DIP2C: variants seen among roughly 807,000 people sequenced by gnomAD.
The protein encoded by DIP2C is DIP2 acetate--CoA ligase C (putative).
DIP2C carries 33 observed loss-of-function variants against 192.4 expected under a neutral mutation model. The ratio of observed to expected loss-of-function variants is 0.17; its 90% CI spans 0.13 to 0.23. The LOEUF (loss-of-function observed/expected upper bound fraction) is 0.23. Ranked by LOEUF, DIP2C falls within the 10% of genes least tolerant of loss-of-function variation. The pLI is 1.00. For missense variants in DIP2C, 1,537 were observed against 2,110.1 expected, an observed-to-expected ratio of 0.73 and a Z score of 5.32; for synonymous variants, 979 against 864.1, an observed-to-expected ratio of 1.13 and a Z score of -2.33.
chr10:296,495 C>A (rs1955760282), intron 32 of DIP2C, among the ~76,000 whole-genome samples: 1 of 152,118 alleles, frequency 6.6e-6, no homozygotes, highest in South Asian at 2.1e-4. Flanking sequence ...CCTCAAGGAT[C>A]TAGAACTAGA....
At chr10:442,812 C>G (rs1033176571) in intron 3 of DIP2C, among the ~76,000 whole-genome samples, 9 of 152,218 alleles carry the variant, frequency 5.9e-5, no homozygotes, top group African/African-American at 2.2e-4. Context: ...AGTTCACATT[C>G]AAATGGTGTC....
chr10:626,945 C>T (rs1300348885), intron 1 of DIP2C, among the ~76,000 whole-genome samples: 1 of 152,264 alleles, frequency 6.6e-6, no homozygotes, highest in African/African-American at 2.4e-5. Context: ...CACCAGCTAC[C>T]ACGCTCCTAG....
At chr10:615,106 G>A (rs765976818) in intron 1 of DIP2C, among the ~76,000 whole-genome samples, 8 of 152,300 alleles carry the variant, frequency 5.3e-5, no homozygotes, top group Middle Eastern at 3.4e-3. Flanking sequence ...GAGAATTAAG[G>A]AAGCAATTCC....
At chr10:620,419 C>G (rs1445187159) in intron 1 of DIP2C, among the ~76,000 whole-genome samples, 1 of 152,136 alleles carries the variant, frequency 6.6e-6, no homozygotes, top group Non-Finnish European at 1.5e-5. Flanking sequence ...AAACGGCACA[C>G]GGAGAGGGGC....
At chr10:285,814 C>CAA (rs1292882652) in intron 34 of DIP2C, among the ~76,000 whole-genome samples, 1 of 152,226 alleles carries the variant, frequency 6.6e-6, no homozygotes, top group Non-Finnish European at 1.5e-5. Flanking sequence ...GCAAAGGTGT[C>CAA]AAGTTCCACT....
At chr10:619,501 A>C (rs566507892) in intron 1 of DIP2C, among the ~76,000 whole-genome samples, 75 of 141,424 alleles carry the variant, frequency 5.3e-4, no homozygotes, top group African/African-American at 2.0e-3. Flanking sequence ...TATCGGGAGC[A>C]CAGGCTTTAT....
intron 1 of DIP2C, among the ~76,000 whole-genome samples, chr10:508,484 T>C (rs1361613128): frequency 2.0e-5 from 3 of 152,210 alleles, no homozygotes; most frequent in Non-Finnish European, 4.4e-5. Context: ...CGGCCCAGCA[T>C]ACTGCCTTGA....
intron 19 of DIP2C, among the ~76,000 whole-genome samples, chr10:365,622 C>A (rs904058367): frequency 3.9e-5 from 6 of 152,216 alleles, no homozygotes; most frequent in African/African-American, 1.4e-4. Context: ...TGTTGTGCTA[C>A]TTCTAAGGCC....
intron 19 of DIP2C, chr10:364,973 G>A (rs754187011): frequency 1.9e-6 from 1 of 533,728 alleles, no homozygotes; most frequent in South Asian, 1.5e-5. Flanking sequence ...TAGTTTTAAA[G>A]TAATCTCTCT....
intron 1 of DIP2C, among the ~76,000 whole-genome samples, chr10:489,424 G>C (rs1032766318): frequency 1.3e-5 from 2 of 152,264 alleles, no homozygotes; most frequent in Non-Finnish European, 2.9e-5. Context: ...CAGATGGCAG[G>C]TGGTGGGAGG....
chr10:284,305 G>A (rs1238698213), intron 34 of DIP2C, among the ~76,000 whole-genome samples: 1 of 152,154 alleles, frequency 6.6e-6, no homozygotes, highest in Non-Finnish European at 1.5e-5. Flanking sequence ...CACAACAAAT[G>A]AAAAAGTGAA....
chr10:558,688 GAC>G (rs1849037671), intron 1 of DIP2C, among the ~76,000 whole-genome samples: 1 of 152,214 alleles, frequency 6.6e-6, no homozygotes, highest in African/African-American at 2.4e-5. Context: ...TCGGAAATCA[GAC>G]ACTGTAACAT....
At chr10:641,309 G>A (rs1855185106) in intron 1 of DIP2C, among the ~76,000 whole-genome samples, 1 of 152,142 alleles carries the variant, frequency 6.6e-6, no homozygotes, top group Admixed American at 6.5e-5. Context: ...ATCCAGGCAG[G>A]TCTTGTGACC....
Position 414,890 on chromosome 10 carries a change from GTATATATA to G in DIP2C, c.860-788_860-781del, listed in dbSNP as rs869143179. 8.3e-5 allele frequency among the ~76,000 whole-genome samples: 3 copies of G among 36,130 alleles called. No individual in the cohort carries two copies. The East Asian group carries it at 1.6e-3, about 20-fold the overall frequency. 23.7% of individuals were successfully genotyped at this position (36,130 alleles called of 152,430 possible). The stretch of plus-strand genomic sequence containing the variant: ...TGTGTGTGTGTGTGTGTGTGTGTGT[GTATATATA>G]TATATATATTTTTTTTTTTTTTTGG... On this transcript the variant is annotated intron_variant, in intron 7 of 36. Transcript: ENST00000280886.
In DIP2C at chr10:351,472, G is replaced by A. The variant is rs116815777; in HGVS notation, c.2986-2018C>T. ...GGGGAGGCGGCCCACGTCACTGCCC[G>A]GTGGGTCTTCAGACCCTTCCTGCCG... On this transcript the variant is annotated intron_variant, in intron 24 of 36. Coordinates refer to ENST00000280886, the MANE Select transcript of DIP2C (RefSeq NM_014974.3). Among the ~76,000 whole-genome samples, 872 of 152,300 alleles carry A rather than the reference G, an allele frequency of 5.7e-3. 9 individuals carry two copies. The highest frequency in any genetic ancestry group is 0.019 in the African/African-American group (800 of 41,562).
At chr10:660,212 T>C (rs1377762053) in intron 1 of DIP2C, among the ~76,000 whole-genome samples, 1 of 151,740 alleles carries the variant, frequency 6.6e-6, no homozygotes, top group Non-Finnish European at 1.5e-5. Flanking sequence ...ACAGAGATTC[T>C]AGCCCTTGTC....
intron 9 of DIP2C, among the ~76,000 whole-genome samples, chr10:404,640 T>C (rs1257432140): frequency 2.0e-5 from 3 of 152,164 alleles, no homozygotes; most frequent in East Asian, 1.9e-4. Context: ...AGCATCCAGA[T>C]GGTCATTGAG....
intron 31 of DIP2C, among the ~76,000 whole-genome samples, chr10:321,607 TTAGAACAGTCAGTCGGGGGTGCGGGGC>T (rs1957027982): frequency 2.9e-5 from 4 of 138,882 alleles, no homozygotes; most frequent in African/African-American, 1.1e-4. Flanking sequence ...ACCGGCGCTG[TTAGAACAGTCAGTCGGGGGTGCGGGGC>T]TCCGGCGAGA....
intron 2 of DIP2C, among the ~76,000 whole-genome samples, chr10:486,033 G>A (rs1843989718): frequency 6.6e-6 from 1 of 152,218 alleles, no homozygotes; most frequent in African/African-American, 2.4e-5. Flanking sequence ...CACACAACCA[G>A]CTTTCACGAT....
Sources: allele counts gnomAD v4.1 joint callset (sites outside exome capture counted in the v4.1 genomes callset), GRCh38; gene constraint gnomAD v4.1.1; transcripts MANE v1.5; gene names NCBI Gene and HGNC (gene_info 2026-07-23, HGNC 2026-07-21).